GRM8: variants seen among roughly 807,000 people sequenced by gnomAD.
GRM8 encodes glutamate metabotropic receptor 8.
A neutral mutation model predicts 87.2 loss-of-function variants in GRM8; 47 were observed. That is an observed-to-expected ratio of 0.54 (90% CI 0.43 to 0.69). The LOEUF (loss-of-function observed/expected upper bound fraction) is 0.69, where lower values mean the gene tolerates loss of function less well. GRM8 is among the 30% of genes least tolerant of loss of function. GRM8 has a pLI of 0.00. For synonymous variants in GRM8, 396 were observed against 404.5 expected (o/e 0.98, Z 0.25); for missense variants, 1,019 against 1,139.2 (o/e 0.89, Z 1.52).
rs1232282829 is a variant in GRM8 at position 126,518,110 on chromosome 7, AG to A, written c.2430+14841del. 3.9e-5 allele frequency among the ~76,000 whole-genome samples: 6 copies of A among 152,054 alleles called. No individual in the cohort carries two copies. In the East Asian group the frequency reaches 1.2e-3, roughly 29 times the overall value. On this transcript the variant is annotated intron_variant, in intron 9 of 10. Transcript: ENST00000339582. ...GACACAATGTCCTTCCCTCTTTTTTAGCCATTGAGGCAGAGCAATTTATGAT... is the reference window on the plus strand; with the variant it reads ...GACACAATGTCCTTCCCTCTTTTTTACCATTGAGGCAGAGCAATTTATGAT...
chr7:126,510,650 C>A (rs200498122), intron 9 of GRM8, among the ~76,000 whole-genome samples: 1 of 7,104 alleles, frequency 1.4e-4, no homozygotes, highest in African/African-American at 9.7e-4. Flanking sequence ...TTTTTATGGC[C>A]AACTATGTTA....
At chr7:126,693,290 C>T (rs1032919411) in intron 7 of GRM8, among the ~76,000 whole-genome samples, 2 of 152,068 alleles carry the variant, frequency 1.3e-5, no homozygotes, top group African/African-American at 4.8e-5. Context: ...ATTAGAAATG[C>T]TTTTTTCTGA....
intron 3 of GRM8, among the ~76,000 whole-genome samples, chr7:126,937,465 A>C (rs1026120869): frequency 2.8e-4 from 42 of 152,216 alleles, no homozygotes; most frequent in African/African-American, 9.9e-4. Context: ...CAGGTTCCCA[A>C]ACCTGCACCA....
At chr7:127,087,883 G>A (rs1439181163) in intron 3 of GRM8, among the ~76,000 whole-genome samples, 2 of 152,200 alleles carry the variant, frequency 1.3e-5, no homozygotes, top group Non-Finnish European at 2.9e-5. Context: ...TTAAAAGTCA[G>A]TGCTCAATAA....
intron 8 of GRM8, among the ~76,000 whole-genome samples, chr7:126,561,753 T>C (rs979585768): frequency 4.0e-5 from 6 of 150,216 alleles, no homozygotes; most frequent in Non-Finnish European, 5.9e-5. Context: ...ATTAGGTATA[T>C]CTCCTAATGT....
intron 6 of GRM8, among the ~76,000 whole-genome samples, chr7:126,870,911 A>G (rs567519977): frequency 2.0e-5 from 3 of 152,264 alleles, no homozygotes; most frequent in African/African-American, 7.2e-5. Context: ...ACAATAAAAC[A>G]AGGCATGCCT....
intron 7 of GRM8, among the ~76,000 whole-genome samples, chr7:126,686,273 T>G (rs1013933940): frequency 6.6e-6 from 1 of 152,254 alleles, no homozygotes; most frequent in Admixed American, 6.5e-5. Context: ...TCCACTTGTC[T>G]GCATATTTCA....
In GRM8 at chr7:126,773,078, C is replaced by A. The variant is rs1256854265; in HGVS notation, c.1157-3013G>T. Among the ~76,000 whole-genome samples, 26 of 151,924 alleles carry A rather than the reference C, an allele frequency of 1.7e-4. 1 individual carries two copies. Among genetic ancestry groups the A allele is most frequent in the Non-Finnish European group, 1.5e-5 (1 of 67,960 alleles). On this transcript the variant is annotated intron_variant, in intron 6 of 10. Transcript: ENST00000339582. Reference sequence around the variant, plus strand: ...TACAGAGAGGAGGGAAAGGAGGATGCAGCAACACAGAGAAAGGCTTGAGCC... The same window carrying A: ...TACAGAGAGGAGGGAAAGGAGGATGAAGCAACACAGAGAAAGGCTTGAGCC...
At chr7:126,660,750 T>C (rs900764937) in intron 7 of GRM8, among the ~76,000 whole-genome samples, 3 of 152,256 alleles carry the variant, frequency 2.0e-5, no homozygotes, top group Admixed American at 1.3e-4. Flanking sequence ...CCAAAACTTC[T>C]GGTTAAAGTT....
At chr7:127,191,337 C>G (rs1177405999) in intron 2 of GRM8, among the ~76,000 whole-genome samples, 1 of 152,114 alleles carries the variant, frequency 6.6e-6, no homozygotes, top group Non-Finnish European at 1.5e-5. Flanking sequence ...GTTTAACTAC[C>G]TACATTGTTT....
intron 6 of GRM8, among the ~76,000 whole-genome samples, chr7:126,857,270 T>C (rs766135922): frequency 5.3e-5 from 8 of 152,164 alleles, no homozygotes; most frequent in South Asian, 2.1e-4. Context: ...CTTAACCAAA[T>C]GGTGTTATTG....
chr7:127,043,052 A>G (rs1431840244), intron 3 of GRM8, among the ~76,000 whole-genome samples: 1 of 152,242 alleles, frequency 6.6e-6, no homozygotes, highest in East Asian at 1.9e-4. Flanking sequence ...ATGCAAATCA[A>G]AACCACAATG....
chr7:127,219,204 C>T (rs745772590), intron 2 of GRM8, among the ~76,000 whole-genome samples: 1 of 151,938 alleles, frequency 6.6e-6, no homozygotes, highest in Non-Finnish European at 1.5e-5. Flanking sequence ...ATGGTGATAT[C>T]TGTATCTGTC....
At chr7:127,098,912 G>A (rs1490682714) in intron 3 of GRM8, among the ~76,000 whole-genome samples, 1 of 152,150 alleles carries the variant, frequency 6.6e-6, no homozygotes, top group Admixed American at 6.5e-5. Flanking sequence ...AAGAAGGTGT[G>A]CTGCCATACT....
At position 127,243,170 on chromosome 7, in the gene GRM8, G is replaced by A. The variant is rs371705134; in HGVS notation, c.35C>T (p.Pro12Leu). The change falls in exon 2 of 11, where the codon CCT becomes CTT. Residue 12 changes from proline (P) to leucine (L), a missense_variant. Pro to Leu is a moderately conservative substitution (Grantham distance 98). Coordinates refer to ENST00000339582, the MANE Select transcript of GRM8 (RefSeq NM_000845.3). ...CTTGGCGGTCAAGAGGAAGAAACAAGGGCAAGAGGCTGATCGCTTTCCCTC... is the reference window on the plus strand; with the variant it reads ...CTTGGCGGTCAAGAGGAAGAAACAAAGGCAAGAGGCTGATCGCTTTCCCTC... ...VCEGKRSASC[P>L]CFFLLTAKFY... is the part of the protein sequence containing the mutation. The A allele has an allele frequency of 6.2e-7, 1 of 1,612,350 alleles. No homozygotes were observed. Among genetic ancestry groups the A allele is most frequent in the East Asian group, 2.2e-5 (1 of 44,860 alleles).
chr7:126,896,736 A>G (rs189017776), intron 6 of GRM8, among the ~76,000 whole-genome samples: 25 of 152,258 alleles, frequency 1.6e-4, no homozygotes, highest in African/African-American at 4.6e-4. Flanking sequence ...TTTTTCCATT[A>G]CCGCTATTTC....
chr7:126,678,641 T>G (rs1227702371), intron 7 of GRM8, among the ~76,000 whole-genome samples: 1 of 152,252 alleles, frequency 6.6e-6, no homozygotes, highest in Non-Finnish European at 1.5e-5. Flanking sequence ...AAAATTATTT[T>G]GTAAACAGTT....
intron 3 of GRM8, among the ~76,000 whole-genome samples, chr7:127,099,149 A>G (rs573871345): frequency 1.3e-5 from 2 of 152,322 alleles, no homozygotes; most frequent in South Asian, 4.1e-4. Flanking sequence ...AGAGCTTATG[A>G]TGGAAAAGCA....
At chr7:126,589,629 C>A (rs1796486067) in intron 8 of GRM8, among the ~76,000 whole-genome samples, 1 of 152,204 alleles carries the variant, frequency 6.6e-6, no homozygotes, top group Non-Finnish European at 1.5e-5. Flanking sequence ...ACGGCTCATG[C>A]TCTCTTGAAA....
Sources: allele counts gnomAD v4.1 joint callset (sites outside exome capture counted in the v4.1 genomes callset), GRCh38; gene constraint gnomAD v4.1.1; transcripts MANE v1.5; gene names NCBI Gene and HGNC (gene_info 2026-07-23, HGNC 2026-07-21).